CDYL2: variants seen among roughly 807,000 people sequenced by gnomAD.
The protein encoded by CDYL2 is chromodomain Y like 2, also known as chromodomain Y-like protein 2.
CDYL2 carries 23 observed loss-of-function variants against 49.4 expected under a neutral mutation model. That is an observed-to-expected ratio of 0.47 (90% CI 0.34 to 0.66). The LOEUF is 0.66. Ranked by LOEUF, CDYL2 falls within the 30% of genes least tolerant of loss-of-function variation. The pLI, the probability that CDYL2 is intolerant of heterozygous loss-of-function variation, is 0.01. For synonymous variants in CDYL2, 360 were observed against 268.8 expected, an observed-to-expected ratio of 1.34 and a Z score of -3.32; for missense variants, 678 against 656.4, an observed-to-expected ratio of 1.03 and a Z score of -0.36.
intron 1 of CDYL2, among the ~76,000 whole-genome samples, chr16:80,778,376 T>A (rs1472231451): frequency 6.6e-6 from 1 of 151,942 alleles, no homozygotes; most frequent in Non-Finnish European, 1.5e-5. Context: ...AATTTAAGCA[T>A]GATGTGACTA....
intron 1 of CDYL2, among the ~76,000 whole-genome samples, chr16:80,720,537 T>G (rs550921565): frequency 6.6e-5 from 10 of 152,366 alleles, no homozygotes; most frequent in African/African-American, 2.2e-4. Context: ...GACACTGTTC[T>G]CTGCTGACAA....
intron 4 of CDYL2, among the ~76,000 whole-genome samples, chr16:80,614,642 G>C (rs964700909): frequency 1.3e-5 from 2 of 152,148 alleles, no homozygotes; most frequent in Admixed American, 6.5e-5. Context: ...GAGGTGGATG[G>C]ATCACAAGGT....
rs531137852 is a variant in CDYL2, at chr16:80,770,563, T to A, written c.24+33587A>T. On this transcript the variant is annotated intron_variant, in intron 1 of 6. Transcript: ENST00000570137. ...TATTTTTCCTGCCCACAAAAAAAAATAGAATTATACCACTGACTACAAAGT... is the reference window on the plus strand; with the variant it reads ...TATTTTTCCTGCCCACAAAAAAAAAAAGAATTATACCACTGACTACAAAGT... Among the ~76,000 whole-genome samples, 17 of 152,142 alleles carry A rather than the reference T, an allele frequency of 1.1e-4. No individual in the cohort carries two copies. The South Asian group carries it at 3.1e-3, about 28-fold the overall frequency.
intron 5 of CDYL2, among the ~76,000 whole-genome samples, chr16:80,611,178 G>C (rs1442070837): frequency 6.6e-6 from 1 of 152,186 alleles, no homozygotes; most frequent in Non-Finnish European, 1.5e-5. Flanking sequence ...CCAAGACAGA[G>C]AGCTGGGGAA....
At chr16:80,745,284 C>T (rs9924703) in intron 1 of CDYL2, among the ~76,000 whole-genome samples, 127,480 of 152,140 alleles carry the variant, frequency 0.84, 55,179 homozygotes, top group Non-Finnish European at 0.95. Context: ...CCAACCTCTT[C>T]TGTGTCACCT....
At chr16:80,729,990 G>C (rs1244934554) in intron 1 of CDYL2, among the ~76,000 whole-genome samples, 2 of 152,154 alleles carry the variant, frequency 1.3e-5, no homozygotes, top group African/African-American at 2.4e-5. Context: ...ATGCCCACAA[G>C]AGAAAGCAGG....
chr16:80,736,957 T>G (rs149173505), intron 1 of CDYL2, among the ~76,000 whole-genome samples: 16 of 152,330 alleles, frequency 1.1e-4, no homozygotes, highest in Admixed American at 7.2e-4. Flanking sequence ...GAAATTTATA[T>G]TACATGATGC....
chr16:80,754,658 T>C (rs1489048549), intron 1 of CDYL2, among the ~76,000 whole-genome samples: 1 of 152,152 alleles, frequency 6.6e-6, no homozygotes, highest in Non-Finnish European at 1.5e-5. Context: ...CCCTTATCAG[T>C]AAAATGCAGA....
intron 1 of CDYL2, among the ~76,000 whole-genome samples, chr16:80,752,493 T>C (rs1224239212): frequency 6.6e-6 from 1 of 152,006 alleles, no homozygotes; most frequent in Non-Finnish European, 1.5e-5. Context: ...CAAAGATAAA[T>C]TCTGAAAAGT....
intron 2 of CDYL2, among the ~76,000 whole-genome samples, chr16:80,682,236 G>T (rs1909995265): frequency 6.6e-6 from 1 of 152,162 alleles, no homozygotes; most frequent in Non-Finnish European, 1.5e-5. Flanking sequence ...GAACAAAATA[G>T]AGGCCAGCAT....
chr16:80,676,940 C>T (rs1206927248), intron 2 of CDYL2, among the ~76,000 whole-genome samples: 1 of 143,648 alleles, frequency 7.0e-6, no homozygotes, highest in Non-Finnish European at 1.5e-5. Flanking sequence ...CTTCTGAGGA[C>T]TTTTTAACAA....
chr16:80,643,339 G>A (rs1908186051), intron 2 of CDYL2, among the ~76,000 whole-genome samples: 1 of 152,176 alleles, frequency 6.6e-6, no homozygotes, highest in Admixed American at 6.5e-5. Flanking sequence ...CCTCTCTCCT[G>A]GCTGCTTTCA....
At chr16:80,629,080 G>GCTGC (rs1446408644) in intron 3 of CDYL2, among the ~76,000 whole-genome samples, 1 of 152,168 alleles carries the variant, frequency 6.6e-6, no homozygotes, top group Non-Finnish European at 1.5e-5. Context: ...TGTGAGGTGG[G>GCTGC]CTGCACGATG....
At chr16:80,727,075 G>C (rs1905187175) in intron 1 of CDYL2, among the ~76,000 whole-genome samples, 1 of 151,924 alleles carries the variant, frequency 6.6e-6, no homozygotes, top group African/African-American at 2.4e-5. Flanking sequence ...ATCTCAAAAA[G>C]AAAAAAAAGT....
intron 1 of CDYL2, among the ~76,000 whole-genome samples, chr16:80,803,043 G>T (rs1252573896): frequency 6.6e-6 from 1 of 152,226 alleles, no homozygotes; most frequent in African/African-American, 2.4e-5. Context: ...CCCTCTGGTT[G>T]AAGATGGCTG....
intron 1 of CDYL2, among the ~76,000 whole-genome samples, chr16:80,695,074 G>T (rs1209552001): frequency 6.6e-6 from 1 of 152,380 alleles, no homozygotes; most frequent in South Asian, 2.1e-4. Flanking sequence ...ATAAACAGGT[G>T]AATTAATCAG....
At chr16:80,606,688 T>A (rs942120878) in intron 6 of CDYL2, among the ~76,000 whole-genome samples, 1 of 152,210 alleles carries the variant, frequency 6.6e-6, no homozygotes, top group African/African-American at 2.4e-5. Context: ...CCAAATCTCA[T>A]CTTGAATTGT....
At chr16:80,793,951 A>AC (rs1313870107) in intron 1 of CDYL2, among the ~76,000 whole-genome samples, 2 of 152,200 alleles carry the variant, frequency 1.3e-5, no homozygotes, top group Non-Finnish European at 2.9e-5. Flanking sequence ...GTAAATAAAA[A>AC]CACAATCTTT....
chr16:80,615,269 C>G (rs1906778044), intron 4 of CDYL2, among the ~76,000 whole-genome samples: 1 of 152,084 alleles, frequency 6.6e-6, no homozygotes, highest in Non-Finnish European at 1.5e-5. Flanking sequence ...CTGGTTTTTG[C>G]AAGTGCTTTT....
Sources: gnomAD v4.1 joint callset for allele counts (sites outside exome capture counted in the v4.1 genomes callset) on GRCh38, gnomAD v4.1.1 for gene constraint, MANE v1.5 for transcripts, NCBI Gene and HGNC (gene_info 2026-07-23, HGNC 2026-07-21) for gene names.